The following SIRPG variants were observed in gnomAD, a reference collection of about 807,000 sequenced individuals.
The protein encoded by SIRPG is signal-regulatory protein gamma.
A neutral mutation model predicts 35.7 loss-of-function variants in SIRPG; 38 were observed. The ratio of observed to expected loss-of-function variants is 1.06; its 90% CI spans 0.82 to 1.40. The LOEUF (loss-of-function observed/expected upper bound fraction) is 1.40. Ranked by LOEUF, SIRPG falls within the 40% of genes most tolerant of loss-of-function variation. The probability of loss-of-function intolerance (pLI) is 0.00; values close to 1 mark genes in which losing one functional copy is unlikely to be tolerated. For synonymous variants in SIRPG, 215 were observed against 190.4 expected (o/e 1.13, Z -1.06); for missense variants, 519 against 483.0 (o/e 1.07, Z -0.70).
chr20:1,673,475 A>C, the SIRPG span, among the ~76,000 whole-genome samples: 4 of 152,210 alleles, frequency 2.6e-5, no homozygotes, highest in African/African-American at 9.7e-5. Context: ...TAGGTGCTTA[A>C]CAAATGACCC....
the SIRPG span, among the ~76,000 whole-genome samples, chr20:1,682,713 C>T: frequency 6.6e-6 from 1 of 152,118 alleles, no homozygotes; most frequent in Non-Finnish European, 1.5e-5. Flanking sequence ...CAAAAATCAA[C>T]TCAAAATGGA....
chr20:1,635,030 C>G (rs6043407), intron 4 of SIRPG, among the ~76,000 whole-genome samples: 27,161 of 147,660 alleles, frequency 0.18, 2,794 homozygotes, highest in African/African-American at 0.27. Context: ...GCGACAGAGC[C>G]AGACTCCGTC....
intron 2 of SIRPG, among the ~76,000 whole-genome samples, chr20:1,644,144 GC>G (rs376997657): frequency 1.1e-4 from 17 of 152,334 alleles, no homozygotes; most frequent in African/African-American, 3.8e-4. Context: ...TATCTGGGCT[GC>G]CCAGATTTCT....
chr20:1,657,683 G>C lies in SIRPG; in HGVS notation c.32C>G (p.Pro11Arg), dbSNP rs747567133. The C allele has an allele frequency of 6.2e-7, 1 of 1,614,072 alleles. No homozygotes were observed. The highest frequency in any genetic ancestry group is 2.2e-5 in the East Asian group (1 of 44,888). The stretch of plus-strand genomic sequence containing the variant: ...TAGAGTCAGAAGCAGGAAAGGACCA[G>C]GAGGATGGGGCCAGGAGGCTGGGAC... MPVPASWPHPPGPFLLLTLLL... is the reference protein window; with the variant it reads MPVPASWPHPRGPFLLLTLLL... Residue 11 changes from proline (P) to arginine (R), a missense_variant, in exon 1 of 6, where the codon CCT (proline) becomes CGT (arginine). Transcript: ENST00000303415.
At position 1,633,122 on chromosome 20, in the gene SIRPG, C is replaced by T. The variant is rs576555615; in HGVS notation, c.1081+2145G>A. Among the ~76,000 whole-genome samples, 4 of 152,218 alleles carry T rather than the reference C, an allele frequency of 2.6e-5. No individual in the cohort carries two copies. In the East Asian group the frequency reaches 7.7e-4, roughly 29 times the overall value. ...TAAGGAGATATTATGAACAACTCTA[C>T]ACACAAAAATATGACAACTTAGATA... is the stretch of plus-strand genomic sequence containing the variant. On this transcript the variant is annotated intron_variant, in intron 4 of 5. Transcript: ENST00000303415.
chr20:1,638,639 C>G (rs908867488), intron 2 of SIRPG, among the ~76,000 whole-genome samples: 1 of 152,114 alleles, frequency 6.6e-6, no homozygotes, highest in African/African-American at 2.4e-5. Context: ...TTCTGGGATA[C>G]AAGTGCAGAA....
chr20:1,647,388 GA>G (rs1220624084), intron 2 of SIRPG: 1 of 152,316 alleles, frequency 6.6e-6, no homozygotes, highest in African/African-American at 2.4e-5. Context: ...GCACCATCTG[GA>G]AACTTCGGTG....
chr20:1,656,042 C>T (rs945246772), intron 1 of SIRPG, among the ~76,000 whole-genome samples: 5 of 152,140 alleles, frequency 3.3e-5, no homozygotes, highest in Non-Finnish European at 7.4e-5. Flanking sequence ...TTAAAAATCT[C>T]AGTAAAATAT....
intron 2 of SIRPG, 143 bp from the exon 3 acceptor site, chr20:1,636,648 T>C: frequency 9.7e-7 from 1 of 1,031,278 alleles, no homozygotes; most frequent in Non-Finnish European, 1.4e-6. Context: ...TTATTCTCAT[T>C]TTACAGAGCA....
intron 2 of SIRPG, among the ~76,000 whole-genome samples, chr20:1,638,740 G>A (rs1251693245): frequency 6.6e-6 from 1 of 152,008 alleles, no homozygotes; most frequent in Non-Finnish European, 1.5e-5. Flanking sequence ...GCATGCATTA[G>A]CTATTTGTCC....
Position 1,636,387 on chromosome 20 carries a change from G to A in SIRPG, c.549C>T (p.Phe183=). The change falls in exon 3 of 6, where the codon TTC becomes TTT. Residue 183 remains phenylalanine (F), a synonymous_variant. Coordinates refer to ENST00000303415, the MANE Select transcript of SIRPG (RefSeq NM_018556.4). The stretch of plus-strand genomic sequence containing the variant: ...AGTCTGAGAGCTCATTCCCATTTTT[G>A]AACCATTTCAGGGTGATGTCTCTGG... ...FSPRDITLKW[F]KNGNELSDFQ... The A allele has an allele frequency of 6.2e-7, 1 of 1,614,214 alleles. No individual in the cohort carries two copies. The highest frequency in any genetic ancestry group is 8.5e-7 in the Non-Finnish European group (1 of 1,180,038).
chr20:1,650,785 AG>A (rs1449763685), intron 1 of SIRPG, among the ~76,000 whole-genome samples: 2 of 152,256 alleles, frequency 1.3e-5, no homozygotes, highest in Non-Finnish European at 2.9e-5. Context: ...ACTCAAGGAT[AG>A]AATCTGAGAC....
At chr20:1,652,841 A>G (rs2091949644) in intron 1 of SIRPG, among the ~76,000 whole-genome samples, 1 of 152,220 alleles carries the variant, frequency 6.6e-6, no homozygotes, top group African/African-American at 2.4e-5. Context: ...CAAAAGGGCA[A>G]TTACTTTTTC....
intron 1 of SIRPG, among the ~76,000 whole-genome samples, chr20:1,652,154 A>G (rs1341000383): frequency 6.6e-6 from 1 of 152,222 alleles, no homozygotes; most frequent in Non-Finnish European, 1.5e-5. Flanking sequence ...AACAAAAAAT[A>G]AAACAAAACA....
chr20:1,629,875 G>T (rs897867460), intron 5 of SIRPG, among the ~76,000 whole-genome samples: 5 of 152,102 alleles, frequency 3.3e-5, no homozygotes. Context: ...TCCCATTTGG[G>T]TTTCTCAACA....
chr20:1,680,716 C>T, the SIRPG span, among the ~76,000 whole-genome samples: 1 of 152,154 alleles, frequency 6.6e-6, no homozygotes, highest in African/African-American at 2.4e-5. Flanking sequence ...ACATGATTAT[C>T]CATTTGATGC....
upstream of SIRPG, among the ~76,000 whole-genome samples, chr20:1,662,153 C>T (rs1332143729): frequency 2.0e-5 from 3 of 152,198 alleles, no homozygotes; most frequent in African/African-American, 7.2e-5. Context: ...CCACTGTCCC[C>T]AGAATTGAGG....
chr20:1,649,629 CT>C (rs35561366), intron 1 of SIRPG, among the ~76,000 whole-genome samples: 15,056 of 75,384 alleles, frequency 0.2, 944 homozygotes, highest in African/African-American at 0.26. Flanking sequence ...CAGAGAGGTT[CT>C]TTTTTTTTTT....
chr20:1,643,285 A>G (rs2091869885), intron 2 of SIRPG, among the ~76,000 whole-genome samples: 1 of 151,838 alleles, frequency 6.6e-6, no homozygotes, highest in African/African-American at 2.4e-5. Flanking sequence ...TTCTTTTTTT[A>G]AAATCTTGTC....
Sources: allele counts gnomAD v4.1 joint callset (sites outside exome capture counted in the v4.1 genomes callset), GRCh38; gene constraint gnomAD v4.1.1; transcripts MANE v1.5; gene names NCBI Gene and HGNC (gene_info 2026-07-23, HGNC 2026-07-21).